SBDS: variants seen among roughly 807,000 people sequenced by gnomAD.
The protein encoded by SBDS is SBDS ribosome maturation factor, also known as ribosome maturation protein SBDS.
SBDS carries 20 observed loss-of-function variants against 26.4 expected under a neutral mutation model. That is an observed-to-expected ratio of 0.76 (90% confidence interval 0.53 to 1.10). The LOEUF is 1.10. Among genes scored for constraint, SBDS ranks in the 50% least tolerant of loss-of-function variants. The pLI is 0.00. For synonymous variants in SBDS, 95 were observed against 105.1 expected, an observed-to-expected ratio of 0.90 and a Z score of 0.59; for missense variants, 241 against 302.0, an observed-to-expected ratio of 0.80 and a Z score of 1.50.
chr7:66,990,745 G>A (rs1345661376), intron 4 of SBDS, among the ~76,000 whole-genome samples: 1 of 152,144 alleles, frequency 6.6e-6, no homozygotes, highest in East Asian at 1.9e-4. Flanking sequence ...GGCTGGGCGC[G>A]GTGGCTCACG....
intron 3 of SBDS, among the ~76,000 whole-genome samples, chr7:66,992,837 A>G (rs1793003385): frequency 6.6e-6 from 1 of 151,930 alleles, no homozygotes; most frequent in Non-Finnish European, 1.5e-5. Context: ...GTGAAACCTC[A>G]ACTCTACTAA....
chr7:66,994,262 C>T lies in SBDS; in HGVS notation c.208G>A (p.Asp70Asn). ...VSKGQVAKKE[D>N]LISAFGTDDQ... ...TCTGTTCCAAACGCACTGATGAGAT[C>T]TTCCTTTTTGGCAACCTGACCTTTA... The change falls in exon 2 of 5, where the codon GAT becomes AAT. Residue 70 changes from aspartate (D) to asparagine (N), a missense_variant. Physicochemically the swap from Asp to Asn is conservative, Grantham distance 23. Coordinates refer to ENST00000246868, the MANE Select transcript of SBDS (RefSeq NM_016038.4). 1 of 1,614,160 alleles carries T rather than the reference C, an allele frequency of 6.2e-7. No homozygotes were observed. Among genetic ancestry groups the T allele is most frequent in the Non-Finnish European group, 8.5e-7 (1 of 1,180,014 alleles).
Position 66,994,341 on chromosome 7 carries a change from C to T in SBDS, c.129G>A (p.Val43=), listed in dbSNP as rs1793040763. The T allele has an allele frequency of 1.2e-6, 2 of 1,613,624 alleles. No homozygotes were observed. Residue 43 remains valine (V), a splice_region_variant and synonymous_variant, in exon 2 of 5, where the codon GTG becomes GTA. Coordinates refer to ENST00000246868, the MANE Select transcript of SBDS (RefSeq NM_016038.4). ...KNKVVGWRSG[V]EKDLDEVLQT... ...GCAGAACTTCATCGAGGTCTTTTTC[C>T]CTTGTGAGGGCAGGAGAGAAAGTCC...
In SBDS at chr7:66,988,391, C is replaced by T; in HGVS notation, c.733G>A (p.Gly245Arg). ...GGGTGTCATTCAAATTTCTCATCTC[C>T]TTCTTCTACATCTTTCAGATTGAGT... ...EVLNLKDVEE[G>R]DEKFE Residue 245 changes from glycine to arginine, a missense_variant, in exon 5 of 5, where the codon GGA (glycine) becomes AGA (arginine). Coordinates refer to ENST00000246868, the MANE Select transcript of SBDS (RefSeq NM_016038.4). 6.2e-7 allele frequency: 1 copy of T among 1,613,560 alleles called. No individual in the cohort carries two copies.
At position 66,994,349 on chromosome 7, in the gene SBDS, G is replaced by A; in HGVS notation, c.129-8C>T. 2 of 1,613,146 alleles carry A rather than the reference G, an allele frequency of 1.2e-6. No individual in the cohort carries two copies. Among genetic ancestry groups the A allele is most frequent in the Non-Finnish European group, 1.7e-6 (2 of 1,179,294 alleles). ...TCATCGAGGTCTTTTTCCCTTGTGA[G>A]GGCAGGAGAGAAAGTCCTATGTGAA... On this transcript the variant is annotated splice_polypyrimidine_tract_variant and splice_region_variant and intron_variant, in intron 1 of 4. Transcript: ENST00000246868.
rs1792902837 is a variant in SBDS, at chr7:66,987,985, G to A, written c.*386C>T. 10 of 261,676 alleles carry A rather than the reference G, an allele frequency of 3.8e-5. No homozygotes were observed. The East Asian group carries it at 5.9e-4, about 16-fold the overall frequency. The allele number at this position is 261,676 out of a possible 1,614,324, so 16.2% of individuals were successfully genotyped here. ...AAGCATCATATGTTTTCTTTTTTAG[G>A]AAAGACCCCCCCTTTTGTTGTATAG... On this transcript the variant is annotated 3_prime_UTR_variant, in exon 5 of 5. Transcript: ENST00000246868.
chr7:66,994,581 G>A (rs1793055275), intron 1 of SBDS, among the ~76,000 whole-genome samples: 1 of 151,470 alleles, frequency 6.6e-6, no homozygotes, highest in African/African-American at 2.4e-5. Context: ...TGTAACCTCA[G>A]CCTCCCGGGT....
At chr7:66,989,956 C>T (rs1346070863) in intron 4 of SBDS, among the ~76,000 whole-genome samples, 1 of 152,108 alleles carries the variant, frequency 6.6e-6, no homozygotes, top group African/African-American at 2.4e-5. Flanking sequence ...CTGCATACAA[C>T]TCAAAGAGTG....
chr7:66,993,519 A>C (rs1793019785), intron 2 of SBDS, 102 bp from the exon 3 acceptor site: 2 of 907,614 alleles, frequency 2.2e-6, no homozygotes, highest in South Asian at 1.4e-5. Flanking sequence ...AGAGAAAATT[A>C]AATTTCATCC....
intron 1 of SBDS, 169 bp from the exon 2 acceptor site, chr7:66,994,510 C>CG: frequency 1.5e-6 from 1 of 667,234 alleles, no homozygotes; most frequent in South Asian, 1.6e-5. Flanking sequence ...AACCCCCGCC[C>CG]CTAGATGGAA....
intron 4 of SBDS, among the ~76,000 whole-genome samples, chr7:66,988,845 G>GT (rs1792918801): frequency 6.6e-6 from 1 of 152,110 alleles, no homozygotes; most frequent in Non-Finnish European, 1.5e-5. Context: ...TCACCTCCAC[G>GT]TATGAAGGAG....
intron 4 of SBDS, among the ~76,000 whole-genome samples, chr7:66,990,450 A>G (rs1364648685): frequency 6.6e-6 from 1 of 152,246 alleles, no homozygotes; most frequent in African/African-American, 2.4e-5. Context: ...GATTATGATC[A>G]GCACTGGAGT....
chr7:66,991,404 T>A, intron 3 of SBDS, 103 bp from the exon 4 acceptor site: 1 of 846,722 alleles, frequency 1.2e-6, no homozygotes, highest in Non-Finnish European at 1.9e-6. Flanking sequence ...TAATGGTTTC[T>A]TAGGTATAAC....
chr7:66,993,734 C>T (rs951944853), intron 2 of SBDS, among the ~76,000 whole-genome samples: 8 of 152,024 alleles, frequency 5.3e-5, no homozygotes, highest in African/African-American at 1.7e-4. Flanking sequence ...ATTAGCCAGG[C>T]AGGGTGGTGG....
intron 4 of SBDS, among the ~76,000 whole-genome samples, chr7:66,990,514 C>T (rs1279794071): frequency 6.6e-6 from 1 of 152,124 alleles, no homozygotes; most frequent in Admixed American, 6.6e-5. Context: ...CCATAGTGTG[C>T]TTTGTACTAA....
chr7:66,989,386 A>G (rs1184250341), intron 4 of SBDS, among the ~76,000 whole-genome samples: 2 of 151,804 alleles, frequency 1.3e-5, no homozygotes, highest in Non-Finnish European at 2.9e-5. Context: ...TCTCTACTAA[A>G]AATACAAAAT....
At chr7:66,989,469 C>T (rs1447238888) in intron 4 of SBDS, among the ~76,000 whole-genome samples, 4 of 151,896 alleles carry the variant, frequency 2.6e-5, no homozygotes, top group East Asian at 1.9e-4. Flanking sequence ...CGCTTGAACC[C>T]GGGAGGCAGA....
Position 66,995,517 on chromosome 7 carries a change from C to A in SBDS, c.-100G>T, listed in dbSNP as rs1281777494. ...CTCGCGGTAACGACCGATCGGCGCG[C>A]GGCACTGACCCAACCACCAGTGCGC... is the stretch of plus-strand genomic sequence containing the variant. On this transcript the variant is annotated 5_prime_UTR_variant, in exon 1 of 5. Transcript: ENST00000246868. The A allele has an allele frequency of 1.9e-6, 3 of 1,564,350 alleles. No individual in the cohort carries two copies. The African/African-American group carries it at 4.1e-5, about 21-fold the overall frequency.
At chr7:66,989,958 C>CA (rs1005676193) in intron 4 of SBDS, among the ~76,000 whole-genome samples, 5 of 152,012 alleles carry the variant, frequency 3.3e-5, no homozygotes, top group Non-Finnish European at 7.4e-5. Flanking sequence ...GCATACAACT[C>CA]AAAGAGTGCT....
Sources: gnomAD v4.1 joint callset for allele counts (sites outside exome capture counted in the v4.1 genomes callset) on GRCh38, gnomAD v4.1.1 for gene constraint, MANE v1.5 for transcripts, NCBI Gene and HGNC (gene_info 2026-07-23, HGNC 2026-07-21) for gene names.